Variants in ECHDC3 observed in about 807,000 individuals in gnomAD.
The protein encoded by ECHDC3 is enoyl-CoA hydratase domain-containing protein 3, mitochondrial.
ECHDC3 carries 20 observed loss-of-function variants against 17.9 expected under a neutral mutation model. The ratio of observed to expected loss-of-function variants is 1.12; its 90% CI spans 0.79 to 1.63. The LOEUF (loss-of-function observed/expected upper bound fraction) is 1.63, where lower values mean the gene tolerates loss of function less well. ECHDC3 is among the 40% of genes most tolerant of loss of function. The pLI is 0.00. For missense variants in ECHDC3, 407 were observed against 357.7 expected (o/e 1.14, Z -1.11); for synonymous variants, 177 against 149.7 (o/e 1.18, Z -1.33).
intron 1 of ECHDC3, among the ~76,000 whole-genome samples, chr10:11,744,848 A>T (rs1430570868): frequency 7.9e-5 from 12 of 152,182 alleles, no homozygotes. Context: ...AGACACCTAG[A>T]TGGAGAAGGC....
chr10:11,758,934 T>A (rs73580993), intron 4 of ECHDC3, among the ~76,000 whole-genome samples: 1 of 152,258 alleles, frequency 6.6e-6, no homozygotes, highest in Admixed American at 6.5e-5. Flanking sequence ...GTCTCAATGC[T>A]GTGTCCTCCC....
intron 4 of ECHDC3, among the ~76,000 whole-genome samples, chr10:11,760,459 A>G (rs562065616): frequency 6.6e-6 from 1 of 152,350 alleles, no homozygotes; most frequent in East Asian, 1.9e-4. Context: ...AGGAAGGAAC[A>G]CTTACTACTT....
chr10:11,749,435 T>C, intron 2 of ECHDC3, 60 bp from the exon 3 acceptor site: 1 of 1,560,122 alleles, frequency 6.4e-7, no homozygotes, highest in Non-Finnish European at 8.8e-7. Flanking sequence ...GGGAACTAAC[T>C]GCCCAACTCT....
intron 1 of ECHDC3, among the ~76,000 whole-genome samples, chr10:11,745,730 T>C (rs1465837837): frequency 1.3e-5 from 2 of 152,172 alleles, no homozygotes; most frequent in African/African-American, 4.8e-5. Flanking sequence ...AACCTGTAGG[T>C]GAAAACTGAT....
chr10:11,750,207 A>G (rs1163757777), intron 3 of ECHDC3, among the ~76,000 whole-genome samples: 1 of 152,014 alleles, frequency 6.6e-6, no homozygotes, highest in Non-Finnish European at 1.5e-5. Context: ...TTGTGGGAGT[A>G]TGTCTTGGTA....
intron 1 of ECHDC3, among the ~76,000 whole-genome samples, chr10:11,746,501 A>G (rs952673031): frequency 2.0e-5 from 3 of 152,182 alleles, no homozygotes; most frequent in Admixed American, 1.3e-4. Context: ...ATCCTTTGTC[A>G]TCCACAAAGG....
rs548758891 is a variant in ECHDC3, at chr10:11,756,321, G to A, written c.591+713G>A. Among the ~76,000 whole-genome samples, 155 of 152,200 alleles carry A rather than the reference G, an allele frequency of 1.0e-3. 1 individual carries two copies. The highest frequency in any genetic ancestry group is 1.7e-3 in the Non-Finnish European group (119 of 68,018). On this transcript the variant is annotated intron_variant, in intron 4 of 4. Transcript: ENST00000379215. ...TGTAAACCAACAGTGTTCTTGTTGC[G>A]GAAAAAGTGCATCCTTGTTCTTAAT...
Position 11,763,073 on chromosome 10 carries a change from T to G in ECHDC3, c.592-151T>G. The G allele has an allele frequency of 5.0e-6, 3 of 600,946 alleles. No individual in the cohort carries two copies. The African/African-American group carries it at 5.6e-5, about 11-fold the overall frequency. 37.2% of individuals were successfully genotyped at this position (600,946 alleles called of 1,614,324 possible). On this transcript the variant is annotated intron_variant, in intron 4 of 4. Transcript: ENST00000379215. The surrounding 1 kb of genome is among the most constrained non-coding windows in gnomAD (Gnocchi z 4.9). ...TCTTCGCTCTTGGAAAGATCCGCTCTCCTCCCGGGCAGGAGTTAGGGCACT... is the reference window on the plus strand; with the variant it reads ...TCTTCGCTCTTGGAAAGATCCGCTCGCCTCCCGGGCAGGAGTTAGGGCACT...
intron 4 of ECHDC3, 143 bp downstream of exon 4, chr10:11,755,751 GC>G: frequency 1.3e-6 from 1 of 753,324 alleles, no homozygotes; most frequent in Non-Finnish European, 2.1e-6. Flanking sequence ...GGCTAGATGG[GC>G]CAGGATGTTC....
At chr10:11,743,060 G>A (rs1457023566) in intron 1 of ECHDC3, among the ~76,000 whole-genome samples, 3 of 152,250 alleles carry the variant, frequency 2.0e-5, no homozygotes, top group East Asian at 3.8e-4. Flanking sequence ...GTGTGGGCTT[G>A]GTCGAGCTGC....
rs746259475 is a variant in ECHDC3 at position 11,755,606 on chromosome 10, A to G, written c.589A>G (p.Lys197Glu). Residue 197 changes from lysine (K) to glutamate (E), a missense_variant and splice_region_variant, in exon 4 of 5, where the codon AAG becomes GAG. Physicochemically the swap from Lys to Glu is moderately conservative, Grantham distance 56. Transcript: ENST00000379215. ...GVALARAVPR[K>E]VALEMLFTGE... ...TGCCTTGGCAAGAGCAGTGCCTAGA[A>G]AGGTAATTTAACTCCCCCCACCCAC... The G allele has an allele frequency of 6.2e-7, 1 of 1,610,768 alleles. No individual in the cohort carries two copies. Among genetic ancestry groups the G allele is most frequent in the Non-Finnish European group, 8.5e-7 (1 of 1,178,770 alleles).
chr10:11,755,677 A>G (rs542110681), intron 4 of ECHDC3, 69 bp downstream of exon 4: 12 of 1,381,490 alleles, frequency 8.7e-6, no homozygotes, highest in African/African-American at 4.2e-5. Context: ...AGTGCATGCG[A>G]TGATTCAAGA....
chr10:11,757,436 C>T lies in ECHDC3; in HGVS notation c.591+1828C>T, dbSNP rs544038579. On this transcript the variant is annotated intron_variant, in intron 4 of 4. Transcript: ENST00000379215. The stretch of plus-strand genomic sequence containing the variant: ...TCCAAGGAAGCCCAGTCTTCAGAAA[C>T]CCCATTTCATAATCACCCAGTTGGA... Among the ~76,000 whole-genome samples the T allele has an allele frequency of 6.6e-5, 10 of 152,234 alleles. No homozygotes were observed. The South Asian group carries it at 2.1e-3, about 32-fold the overall frequency.
intron 4 of ECHDC3, among the ~76,000 whole-genome samples, chr10:11,758,801 A>ATG (rs745643239): frequency 4.6e-5 from 7 of 152,106 alleles, no homozygotes; most frequent in African/African-American, 1.4e-4. Flanking sequence ...GTGCGAATGC[A>ATG]TGTGTGTGTG....
Position 11,755,592 on chromosome 10 carries a change from G to C in ECHDC3, c.575G>C (p.Arg192Thr). The change falls in exon 4 of 5, where the codon AGA (arginine) becomes ACA (threonine). Residue 192 changes from arginine to threonine, a missense_variant. Arg to Thr is a moderately conservative substitution (Grantham distance 71, BLOSUM62 -1). Transcript: ENST00000379215. ...TCTACCCCTGGGGTTGCCTTGGCAA[G>C]AGCAGTGCCTAGAAAGGTAATTTAA... ...FCSTPGVALA[R>T]AVPRKVALEM... 1.2e-6 allele frequency: 2 copies of C among 1,613,108 alleles called. No individual in the cohort carries two copies. The highest frequency in any genetic ancestry group is 1.7e-6 in the Non-Finnish European group (2 of 1,179,652).
At chr10:11,754,784 C>T (rs1832866718) in intron 3 of ECHDC3, among the ~76,000 whole-genome samples, 1 of 152,236 alleles carries the variant, frequency 6.6e-6, no homozygotes, top group Admixed American at 6.5e-5. Context: ...GGGGGTCTGT[C>T]ACTACTCAAG....
Position 11,763,444 on chromosome 10 carries a change from C to A in ECHDC3, c.812C>A (p.Ser271Tyr). 1.1e-6 allele frequency: 1 copy of A among 890,212 alleles called. No individual in the cohort carries two copies. The allele number at this position is 890,212 out of a possible 1,614,324, so 55.1% of individuals were successfully genotyped here. ...QDLGTAYYLT[S>Y]QAMVDNLALR... is the part of the protein sequence containing the mutation. Reference sequence around the variant, plus strand: ...CTGGGGACGGCTTACTACCTCACCTCCCAGGCCATGGTGGACAACCTGGCC... The same window carrying A: ...CTGGGGACGGCTTACTACCTCACCTACCAGGCCATGGTGGACAACCTGGCC... Residue 271 changes from serine to tyrosine, a missense_variant, in exon 5 of 5, where the codon TCC (serine) becomes TAC (tyrosine). Physicochemically the swap from Ser to Tyr is moderately radical, Grantham distance 144 (BLOSUM62 -2). Coordinates refer to ENST00000379215, the MANE Select transcript of ECHDC3 (RefSeq NM_024693.5). The surrounding 1 kb of genome is among the most constrained non-coding windows in gnomAD (Gnocchi z 4.9).
chr10:11,749,286 AAAAAAT>A (rs1832797401), intron 2 of ECHDC3, among the ~76,000 whole-genome samples: 1 of 152,214 alleles, frequency 6.6e-6, no homozygotes, highest in Non-Finnish European at 1.5e-5. Flanking sequence ...GGAGGCACCT[AAAAAAT>A]GCCTCGCCTT....
At chr10:11,750,640 A>G (rs1379763711) in intron 3 of ECHDC3, among the ~76,000 whole-genome samples, 3 of 152,270 alleles carry the variant, frequency 2.0e-5, no homozygotes, top group African/African-American at 7.2e-5. Context: ...CACCTATTAT[A>G]GTACCTGCAA....
Sources: allele counts gnomAD v4.1 joint callset (sites outside exome capture counted in the v4.1 genomes callset), GRCh38; gene constraint gnomAD v4.1.1; non-coding constraint Gnocchi (gnomAD v3.1); transcripts MANE v1.5; gene names NCBI Gene and HGNC (gene_info 2026-07-23, HGNC 2026-07-21).